The following LIN7A variants were observed in gnomAD, a reference collection of about 807,000 sequenced individuals.
LIN7A encodes the protein lin-7 cell polarity scaffold A, also known as protein lin-7 homolog A.
A neutral mutation model predicts 29.8 loss-of-function variants in LIN7A; 25 were observed. That is an observed-to-expected ratio of 0.84 (90% CI 0.61 to 1.17). The LOEUF (loss-of-function observed/expected upper bound fraction) is 1.17. LIN7A is among the 50% of genes most tolerant of loss of function. LIN7A has a pLI of 0.00. For synonymous variants in LIN7A, 118 were observed against 107.5 expected, an observed-to-expected ratio of 1.10 and a Z score of -0.60; for missense variants, 239 against 287.0, an observed-to-expected ratio of 0.83 and a Z score of 1.21.
intron 1 of LIN7A, among the ~76,000 whole-genome samples, chr12:80,905,323 T>G (rs572854176): frequency 6.6e-6 from 1 of 152,186 alleles, no homozygotes; most frequent in East Asian, 1.9e-4. Context: ...CCAATGGATA[T>G]GGTTTTAAGA....
intron 1 of LIN7A, among the ~76,000 whole-genome samples, chr12:80,915,135 G>A (rs1401878598): frequency 1.6e-5 from 2 of 125,196 alleles, no homozygotes; most frequent in Admixed American, 8.4e-5. Context: ...AATCTACAAG[G>A]AACTTAAATC....
chr12:80,930,531 G>A (rs1175063646), intron 1 of LIN7A, among the ~76,000 whole-genome samples: 5 of 152,306 alleles, frequency 3.3e-5, no homozygotes, highest in African/African-American at 1.2e-4. Flanking sequence ...AAATTGAAAA[G>A]CGTAGCTTAT....
At chr12:80,842,344 TTTGA>T (rs763382393) in intron 4 of LIN7A, among the ~76,000 whole-genome samples, 5 of 152,110 alleles carry the variant, frequency 3.3e-5, no homozygotes, top group Admixed American at 6.6e-5. Context: ...CCTGCTTATC[TTTGA>T]TTGTTTGTCT....
chr12:80,848,104 A>C, intron 3 of LIN7A, 147 bp downstream of exon 3: 1 of 706,960 alleles, frequency 1.4e-6, no homozygotes, highest in Non-Finnish European at 2.6e-6. Context: ...TTTACCTGAG[A>C]AGTAGTACTG....
intron 4 of LIN7A, among the ~76,000 whole-genome samples, chr12:80,827,314 G>A (rs1344029476): frequency 2.6e-5 from 4 of 152,130 alleles, no homozygotes; most frequent in Admixed American, 2.6e-4. Flanking sequence ...GTGAACCCGG[G>A]AGGCGGAGCT....
Position 80,841,394 on chromosome 12 carries a change from AGGAAGGAAGGAAGGAG to A in LIN7A, c.483+4320_483+4335del, listed in dbSNP as rs1872811164. Among the ~76,000 whole-genome samples the A allele has an allele frequency of 4.5e-5, 6 of 133,370 alleles. No individual in the cohort carries two copies. In the South Asian group the frequency reaches 1.5e-3, roughly 32 times the overall value. The allele number at this position is 133,370 out of a possible 152,430, so 87.5% of individuals were successfully genotyped here. A position where few individuals can be genotyped will look rare whatever the true frequency, so the allele number is the denominator to read the frequency against. ...AAGGAAGGAAGGAAGGAAGGAAGGAAGGAAGGAAGGAAGGAGGGAAAGAAAGTACGAACAGCACCCT... is the reference window on the plus strand; with the variant it reads ...AAGGAAGGAAGGAAGGAAGGAAGGAAGGAAAGAAAGTACGAACAGCACCCT... On this transcript the variant is annotated intron_variant, in intron 4 of 5. Transcript: ENST00000552864.
At chr12:80,907,055 C>CTGTGTGTGTGTGTGTGTG (rs529376132) in intron 1 of LIN7A, among the ~76,000 whole-genome samples, 1 of 145,298 alleles carries the variant, frequency 6.9e-6, no homozygotes, top group South Asian at 2.2e-4. Context: ...AGTGCGTGCT[C>CTGTGTGTGTGTGTGTGTG]TGTGTGTGTG....
At chr12:80,816,339 AG>A (rs1871531807) in intron 4 of LIN7A, among the ~76,000 whole-genome samples, 1 of 151,902 alleles carries the variant, frequency 6.6e-6, no homozygotes, top group Non-Finnish European at 1.5e-5. Context: ...TGAACCCAGG[AG>A]GTCGGGGCTG....
intron 1 of LIN7A, among the ~76,000 whole-genome samples, chr12:80,893,755 G>A (rs1875745481): frequency 6.6e-6 from 1 of 152,136 alleles, no homozygotes. Context: ...TTGGTGACCC[G>A]CTTGCCCTCT....
chr12:80,880,295 T>G (rs1874959356), intron 2 of LIN7A, among the ~76,000 whole-genome samples: 3 of 152,264 alleles, frequency 2.0e-5, no homozygotes, highest in African/African-American at 4.8e-5. Context: ...AAGAAGTCCA[T>G]CCATGAATAA....
intron 4 of LIN7A, among the ~76,000 whole-genome samples, chr12:80,836,606 G>A (rs1467534888): frequency 1.3e-5 from 2 of 152,094 alleles, no homozygotes; most frequent in African/African-American, 2.4e-5. Context: ...AGTGAGCCAA[G>A]ATCACGCCAC....
Position 80,845,882 on chromosome 12 carries a change from G to A in LIN7A, c.331C>T (p.Leu111=). Residue 111 remains leucine, a synonymous_variant, in exon 4 of 6, where the codon CTG becomes TTG. Coordinates refer to ENST00000552864, the MANE Select transcript of LIN7A (RefSeq NM_004664.4). ...CCAAGGCCTTCATCAGTCTTTGGCA[G>A]TTCAACTACTCGAGGGTGGGAGTGG... The part of the protein sequence containing the change: ...EGHSHPRVVE[L]PKTDEGLGFN... 1 of 1,610,398 alleles carries A rather than the reference G, an allele frequency of 6.2e-7. No individual in the cohort carries two copies. The highest frequency in any genetic ancestry group is 8.5e-7 in the Non-Finnish European group (1 of 1,178,518).
chr12:80,881,847 G>A (rs1408925414), intron 2 of LIN7A, among the ~76,000 whole-genome samples: 1 of 152,024 alleles, frequency 6.6e-6, no homozygotes, highest in African/African-American at 2.4e-5. Context: ...TTGGTTATCT[G>A]GTTATCCTTG....
At chr12:80,924,768 T>C (rs1877493218) in intron 1 of LIN7A, among the ~76,000 whole-genome samples, 1 of 152,224 alleles carries the variant, frequency 6.6e-6, no homozygotes, top group Admixed American at 6.5e-5. Flanking sequence ...TAGTACACAT[T>C]TGATATCTGT....
At chr12:80,891,304 A>G (rs1010586168) in intron 1 of LIN7A, among the ~76,000 whole-genome samples, 2 of 152,014 alleles carry the variant, frequency 1.3e-5, no homozygotes, top group Non-Finnish European at 2.9e-5. Context: ...TGCACATCAA[A>G]CCTTCCCTGG....
At chr12:80,798,586 A>G (rs1198066561) in intron 5 of LIN7A, among the ~76,000 whole-genome samples, 5 of 152,300 alleles carry the variant, frequency 3.3e-5, no homozygotes, top group East Asian at 3.9e-4. Context: ...TTTAACTATT[A>G]TAATATCATC....
chr12:80,870,447 T>C (rs1011793478), intron 2 of LIN7A, among the ~76,000 whole-genome samples: 3 of 152,094 alleles, frequency 2.0e-5, no homozygotes, highest in Admixed American at 6.5e-5. Flanking sequence ...TTGGAACTGA[T>C]AGACATACAA....
chr12:80,805,977 C>A (rs1234068146), intron 5 of LIN7A, among the ~76,000 whole-genome samples: 2 of 151,576 alleles, frequency 1.3e-5, no homozygotes, highest in Non-Finnish European at 2.9e-5. Context: ...ACTTGGGAGG[C>A]TGAGGTAGGA....
At chr12:80,917,198 G>T (rs989765055) in intron 1 of LIN7A, among the ~76,000 whole-genome samples, 1 of 151,924 alleles carries the variant, frequency 6.6e-6, no homozygotes, top group Non-Finnish European at 1.5e-5. Context: ...GAGGAGAAGG[G>T]TATGCTTATA....
Sources: allele counts gnomAD v4.1 joint callset (sites outside exome capture counted in the v4.1 genomes callset), GRCh38; gene constraint gnomAD v4.1.1; transcripts MANE v1.5; gene names NCBI Gene and HGNC (gene_info 2026-07-23, HGNC 2026-07-21).